Variants in FAT1 observed in about 807,000 individuals in gnomAD.
FAT1 encodes protocadherin Fat 1.
In FAT1, 171 loss-of-function variants were observed where a neutral mutation model predicts 329.8. That is an observed-to-expected ratio of 0.52 (90% confidence interval 0.46 to 0.59). The LOEUF is 0.59. Among genes scored for constraint, FAT1 ranks in the 20% least tolerant of loss-of-function variants. FAT1 has a pLI of 0.00. For synonymous variants in FAT1, 2,233 were observed against 2,228.6 expected, an observed-to-expected ratio of 1.00 and a Z score of -0.06; for missense variants, 5,672 against 5,774.4, an observed-to-expected ratio of 0.98 and a Z score of 0.57.
chr4:186,726,267 T>G (rs1273521774), upstream of FAT1: 4 of 152,234 alleles, frequency 2.6e-5, no homozygotes, highest in African/African-American at 9.6e-5. Flanking sequence ...TTCCCCGCAC[T>G]CGCTTAGAGC....
At position 186,618,615 on chromosome 4, in the gene FAT1, T is replaced by C. The variant is rs779452354; in HGVS notation, c.7971A>G (p.Thr2657=). The C allele has an allele frequency of 1.2e-6, 2 of 1,614,074 alleles. No individual in the cohort carries two copies. Among genetic ancestry groups the C allele is most frequent in the Admixed American group, 3.3e-5 (2 of 60,034 alleles). ...EINKLSGVIT[T]KESLIGLENE... is the part of the protein sequence containing the mutation. ...TTTCCAAGCCAATGAGGCTCTCCTT[T>C]GTAGTGATTACGCCGGACAGTTTGT... Residue 2657 remains threonine (T), a synonymous_variant, in exon 10 of 27, where the codon ACA becomes ACG. Coordinates refer to ENST00000441802, the MANE Select transcript of FAT1 (RefSeq NM_005245.4).
In FAT1 at chr4:186,617,056, T is replaced by G. The variant is rs1318178076; in HGVS notation, c.9024A>C (p.Ile3008=). The change falls in exon 11 of 27, where the codon ATA becomes ATC. Residue 3008 remains isoleucine, a synonymous_variant. Transcript: ENST00000441802. ...TTGCATCCAGAACTTTCACTTCAAC[T>G]ATCGCTTTTGATGAGAAGGTGCCAT... ...ATDGTFSSKA[I]VEVKVLDAND... is the part of the protein sequence containing the mutation. 6.2e-7 allele frequency: 1 copy of G among 1,613,938 alleles called. No individual in the cohort carries two copies. The highest frequency in any genetic ancestry group is 8.5e-7 in the Non-Finnish European group (1 of 1,179,856).
intron 2 of FAT1, among the ~76,000 whole-genome samples, chr4:186,704,851 C>T (rs1436527691): frequency 6.6e-6 from 1 of 151,700 alleles, no homozygotes; most frequent in African/African-American, 2.4e-5. Context: ...AGACTTAATA[C>T]ATAGGCCATA....
chr4:186,628,266 G>A lies in FAT1; in HGVS notation c.4698C>T (p.Ser1566=), dbSNP rs754363747. 1.2e-6 allele frequency: 2 copies of A among 1,613,748 alleles called. No individual in the cohort carries two copies. Among genetic ancestry groups the A allele is most frequent in the Non-Finnish European group, 1.7e-6 (2 of 1,179,846 alleles). The change falls in exon 9 of 27, where the codon TCC becomes TCT. Residue 1566 remains serine (S), a synonymous_variant. Coordinates refer to ENST00000441802, the MANE Select transcript of FAT1 (RefSeq NM_005245.4). ...CCGATTCATAAACCCGCCCTTTGTA[G>A]GAGGAAGCGGTGAACCACGGGGCGT... is the stretch of plus-strand genomic sequence containing the variant. ...NDHAPWFTAS[S]YKGRVYESAA...
Position 186,609,791 on chromosome 4 carries a change from AAAT to A in FAT1, c.10068+7_10068+9del, listed in dbSNP as rs1739314229. On this transcript the variant is annotated splice_region_variant and intron_variant, in intron 15 of 26. Coordinates refer to ENST00000441802, the MANE Select transcript of FAT1 (RefSeq NM_005245.4). ...CACAGTTTTCACTGTAATGGGGAAAAAATACACACCGTGATGACAGACTGCTCA... is the reference window on the plus strand; with the variant it reads ...CACAGTTTTCACTGTAATGGGGAAAAACACACCGTGATGACAGACTGCTCA... 1 of 1,597,954 alleles carries A rather than the reference AAAT, an allele frequency of 6.3e-7. No homozygotes were observed. Among genetic ancestry groups the A allele is most frequent in the African/African-American group, 1.3e-5 (1 of 74,724 alleles).
chr4:186,602,212 A>T (rs1260276724), intron 20 of FAT1, among the ~76,000 whole-genome samples: 1 of 152,242 alleles, frequency 6.6e-6, no homozygotes, highest in East Asian at 1.9e-4. Context: ...ATGATGTCAA[A>T]AGAATGGAGA....
intron 3 of FAT1, among the ~76,000 whole-genome samples, chr4:186,656,621 T>C (rs1426376907): frequency 6.6e-6 from 1 of 152,140 alleles, no homozygotes; most frequent in East Asian, 1.9e-4. Context: ...AAACTGATGA[T>C]GAATGGTACC....
intron 3 of FAT1, among the ~76,000 whole-genome samples, chr4:186,657,905 T>G (rs923852339): frequency 6.6e-6 from 1 of 152,200 alleles, no homozygotes; most frequent in African/African-American, 2.4e-5. Flanking sequence ...TGTTCGTGAA[T>G]AATGAGTCAT....
rs3733407 is a variant in FAT1, at chr4:186,620,607, G to A, written c.5979C>T (p.Thr1993=). The change falls in exon 10 of 27, where the codon ACC becomes ACT. Residue 1993 remains threonine, a synonymous_variant. Coordinates refer to ENST00000441802, the MANE Select transcript of FAT1 (RefSeq NM_005245.4). ...VYSAVVKENS[T]EAETLAVITA... is the part of the protein sequence containing the mutation. ...TAATGACAGCTAATGTTTCGGCCTC[G>A]GTGGAATTCTCTTTCACTACCGCAG... is the stretch of plus-strand genomic sequence containing the variant. 67,695 of 1,613,904 alleles carry A rather than the reference G, an allele frequency of 0.042. 3,128 individuals carry two copies. The highest frequency in any genetic ancestry group is 0.2 in the Admixed American group (12,037 of 60,010).
intron 11 of FAT1, among the ~76,000 whole-genome samples, chr4:186,616,793 T>G (rs976171043): frequency 2.0e-5 from 3 of 152,214 alleles, no homozygotes; most frequent in Non-Finnish European, 2.9e-5. Flanking sequence ...GTCCGTAATT[T>G]AGTTTTCTAG....
chr4:186,596,199 T>A lies in FAT1; in HGVS notation c.13000+341A>T, dbSNP rs1473003907. ...ATATTTCCACTTCGCCAGGTCATAT[T>A]TTTAAAAATCCTAGCATGAAAATGC... is the stretch of plus-strand genomic sequence containing the variant. On this transcript the variant is annotated intron_variant, in intron 25 of 26. Transcript: ENST00000441802. The surrounding 1 kb of genome is among the most constrained non-coding windows in gnomAD (Gnocchi z 4.7). 6.6e-6 allele frequency among the ~76,000 whole-genome samples: 1 copy of A among 152,202 alleles called. No individual in the cohort carries two copies. Among genetic ancestry groups the A allele is most frequent in the African/African-American group, 2.4e-5 (1 of 41,450 alleles).
intron 2 of FAT1, among the ~76,000 whole-genome samples, chr4:186,666,770 T>C (rs1742457476): frequency 6.6e-6 from 1 of 152,354 alleles, no homozygotes; most frequent in South Asian, 2.1e-4. Context: ...TTATCTTATA[T>C]AATCTTTACA....
Position 186,618,139 on chromosome 4 carries a change from G to A in FAT1, c.8447C>T (p.Ala2816Val), listed in dbSNP as rs746027466. Residue 2816 changes from alanine (A) to valine (V), a missense_variant, in exon 10 of 27, where the codon GCA becomes GTA. Physicochemically the swap from Ala to Val is moderately conservative, Grantham distance 64. This residue lies in a region of FAT1 where 3,966 missense variants were observed against 3,915.2 expected (regional missense o/e 1.01). Coordinates refer to ENST00000441802, the MANE Select transcript of FAT1 (RefSeq NM_005245.4). ...CCCTGGCAGGTTTTCAACAATGAATGCCTCATATGGACTAGATTCAAAGAC... is the reference window on the plus strand; with the variant it reads ...CCCTGGCAGGTTTTCAACAATGAATACCTCATATGGACTAGATTCAAAGAC... ...SPVFESSPYE[A>V]FIVENLPGGS... is the part of the protein sequence containing the mutation. 6.2e-7 allele frequency: 1 copy of A among 1,614,002 alleles called. No individual in the cohort carries two copies. The highest frequency in any genetic ancestry group is 8.5e-7 in the Non-Finnish European group (1 of 1,179,904).
At position 186,628,619 on chromosome 4, in the gene FAT1, T is replaced by C. The variant is rs551541385; in HGVS notation, c.4468A>G (p.Ile1490Val). 66 of 1,613,916 alleles carry C rather than the reference T, an allele frequency of 4.1e-5. 2 individuals are homozygous for C. The Middle Eastern group carries it at 4.9e-4, about 12-fold the overall frequency. Residue 1490 changes from isoleucine to valine, a missense_variant, in exon 8 of 27, where the codon ATC (isoleucine) becomes GTC (valine). Transcript: ENST00000441802. ...AVDQDEKNKL[I>V]YTLQSSRDPL... ...TCTCTACTGCTCTGCAGAGTGTAGATTAGTTTGTTTTTCTCATCCTGATCC... is the reference window on the plus strand; with the variant it reads ...TCTCTACTGCTCTGCAGAGTGTAGACTAGTTTGTTTTTCTCATCCTGATCC...
chr4:186,690,232 T>C (rs1445886753), intron 2 of FAT1, among the ~76,000 whole-genome samples: 1 of 152,184 alleles, frequency 6.6e-6, no homozygotes, highest in Non-Finnish European at 1.5e-5. Context: ...TTACTATTCA[T>C]TAGAATGCTG....
intron 17 of FAT1, among the ~76,000 whole-genome samples, chr4:186,605,218 A>G (rs1484204812): frequency 3.3e-5 from 2 of 60,646 alleles, no homozygotes; most frequent in Non-Finnish European, 6.7e-5. Context: ...CCATCTCAGA[A>G]AAAAAAAAAA....
At chr4:186,649,120 AAAG>A (rs55747559) in intron 3 of FAT1, among the ~76,000 whole-genome samples, 51,590 of 151,844 alleles carry the variant, frequency 0.34, 9,151 homozygotes, top group Middle Eastern at 0.41. Flanking sequence ...AAAATGCAAC[AAAG>A]AAGTGGCCGG....
chr4:186,609,054 T>C (rs1739269899), intron 16 of FAT1, 129 bp downstream of exon 16: 7 of 904,160 alleles, frequency 7.7e-6, no homozygotes, highest in Non-Finnish European at 9.9e-6. Context: ...TTCGAGTGTT[T>C]ACATGTTGCC....
chr4:186,642,916 G>A (rs1031103682), intron 3 of FAT1, among the ~76,000 whole-genome samples: 2 of 152,186 alleles, frequency 1.3e-5, no homozygotes, highest in Non-Finnish European at 1.5e-5. Context: ...TTTTAAGGAG[G>A]ACGTACTTTG....
Sources: gnomAD v4.1 joint callset for allele counts (sites outside exome capture counted in the v4.1 genomes callset) on GRCh38, gnomAD v4.1.1 for gene constraint, gnomAD v4.1.1 regional missense constraint, Gnocchi (gnomAD v3.1) non-coding constraint, MANE v1.5 for transcripts, NCBI Gene and HGNC (gene_info 2026-07-23, HGNC 2026-07-21) for gene names.